The following ARHGAP44 variants were observed in gnomAD, a reference collection of about 807,000 sequenced individuals.
ARHGAP44 encodes Rho GTPase activating protein 44.
In ARHGAP44, 43 loss-of-function variants were observed where a neutral mutation model predicts 106.8. The ratio of observed to expected loss-of-function variants is 0.40; its 90% CI spans 0.32 to 0.52. The LOEUF (loss-of-function observed/expected upper bound fraction) is 0.52. Ranked by LOEUF, ARHGAP44 falls within the 20% of genes least tolerant of loss-of-function variation. The pLI is 0.48. For synonymous variants in ARHGAP44, 439 were observed against 410.3 expected (o/e 1.07, Z -0.85); for missense variants, 866 against 1,050.5 (o/e 0.82, Z 2.43).
intron 7 of ARHGAP44, among the ~76,000 whole-genome samples, chr17:12,930,241 T>C (rs540408310): frequency 5.4e-5 from 8 of 149,210 alleles, no homozygotes; most frequent in South Asian, 2.1e-4. Flanking sequence ...CTCTCTCTCT[T>C]TTTTTTTTTG....
chr17:12,790,749 A>G (rs200857935), intron 1 of ARHGAP44: 13 of 152,154 alleles, frequency 8.5e-5, no homozygotes, highest in African/African-American at 3.1e-4. Flanking sequence ...TATTAAGGTT[A>G]CATAAAAATC....
chr17:12,987,390 G>T, intron 20 of ARHGAP44: 2 of 444,262 alleles, frequency 4.5e-6, no homozygotes, highest in Non-Finnish European at 8.1e-6. Context: ...AACCCAGCCA[G>T]CCCCTTTCCC....
At chr17:12,952,455 T>G in intron 12 of ARHGAP44, 46 bp from the exon 13 acceptor site, 6 of 1,413,320 alleles carry the variant, frequency 4.2e-6, no homozygotes, top group Non-Finnish European at 5.9e-6. Context: ...CGATGAGACT[T>G]TATTGATTCG....
intron 1 of ARHGAP44, among the ~76,000 whole-genome samples, chr17:12,818,540 G>T (rs1449401418): frequency 5.9e-5 from 9 of 151,892 alleles, no homozygotes; most frequent in Non-Finnish European, 2.9e-5. Flanking sequence ...AAATAAAACT[G>T]CCACTATTTG....
At chr17:12,905,566 C>T (rs952309251) in intron 3 of ARHGAP44, among the ~76,000 whole-genome samples, 2 of 152,126 alleles carry the variant, frequency 1.3e-5, no homozygotes, top group African/African-American at 4.8e-5. Flanking sequence ...TTCATTTGGT[C>T]CCCCTTGGGC....
At chr17:12,842,427 AAAAAAAGAAAG>A (rs2035443293) in intron 1 of ARHGAP44, among the ~76,000 whole-genome samples, 1 of 140,220 alleles carries the variant, frequency 7.1e-6, no homozygotes, top group African/African-American at 3.2e-5. Flanking sequence ...AAAAAAAAAA[AAAAAAAGAAAG>A]AAAAAAGAAA....
At chr17:12,859,857 A>T (rs2036017268) in intron 1 of ARHGAP44, among the ~76,000 whole-genome samples, 1 of 152,226 alleles carries the variant, frequency 6.6e-6, no homozygotes, top group Non-Finnish European at 1.5e-5. Flanking sequence ...CCTTGATTGC[A>T]GTTAACACCG....
At chr17:12,953,991 G>A (rs1432723479) in intron 13 of ARHGAP44, among the ~76,000 whole-genome samples, 1 of 151,928 alleles carries the variant, frequency 6.6e-6, no homozygotes, top group Non-Finnish European at 1.5e-5. Context: ...GGATTCGAGT[G>A]ATTCTCCTGC....
chr17:12,894,810 C>A, intron 1 of ARHGAP44, 130 bp from the exon 2 acceptor site: 1 of 777,198 alleles, frequency 1.3e-6, no homozygotes, highest in Non-Finnish European at 2.0e-6. Context: ...TTTCTCTATT[C>A]TCTTATTAAA....
chr17:12,962,189 G>T (rs989406720), intron 16 of ARHGAP44, among the ~76,000 whole-genome samples: 1 of 152,020 alleles, frequency 6.6e-6, no homozygotes, highest in African/African-American at 2.4e-5. Context: ...GTAAGTTACC[G>T]ATTTGTGTCA....
At chr17:12,873,083 A>G (rs967496079) in intron 1 of ARHGAP44, among the ~76,000 whole-genome samples, 1 of 151,296 alleles carries the variant, frequency 6.6e-6, no homozygotes, top group Non-Finnish European at 1.5e-5. Flanking sequence ...CGTTGCTGCT[A>G]AGGGACAGCT....
intron 1 of ARHGAP44, among the ~76,000 whole-genome samples, chr17:12,844,998 C>A (rs1462549940): frequency 1.3e-5 from 2 of 152,070 alleles, no homozygotes; most frequent in Non-Finnish European, 2.9e-5. Context: ...AGATTTAGTC[C>A]CTTCATTCTA....
At chr17:12,941,306 A>G (rs906729137) in intron 8 of ARHGAP44, among the ~76,000 whole-genome samples, 182 bp downstream of exon 8, 1 of 152,078 alleles carries the variant, frequency 6.6e-6, no homozygotes, top group Admixed American at 6.6e-5. Context: ...CCTTAGAATA[A>G]AACTCAATCC....
Position 12,945,889 on chromosome 17 carries a change from C to G in ARHGAP44, c.861+1693C>G, listed in dbSNP as rs146766048. Among the ~76,000 whole-genome samples, 1,450 of 152,162 alleles carry G rather than the reference C, an allele frequency of 9.5e-3. 22 individuals carry two copies. Among genetic ancestry groups the G allele is most frequent in the African/African-American group, 0.033 (1,387 of 41,492 alleles). On this transcript the variant is annotated intron_variant, in intron 10 of 20. Coordinates refer to ENST00000379672, the MANE Select transcript of ARHGAP44 (RefSeq NM_014859.6). ...GCAACCTCTGCCTTCCAGGTTCAAG[C>G]GATTCTCCTACTTCAGCCTCCCAAG...
At position 12,940,438 on chromosome 17, in the gene ARHGAP44, A is replaced by G. The variant is rs531907114; in HGVS notation, c.583-618A>G. On this transcript the variant is annotated intron_variant, in intron 7 of 20. Transcript: ENST00000379672. ...TTTCAATGCAGCATTGGGTCACCCA[A>G]TCTCATGGACAACTGAATATAGTGA... is the stretch of plus-strand genomic sequence containing the variant. Among the ~76,000 whole-genome samples the G allele has an allele frequency of 2.6e-5, 4 of 152,322 alleles. No homozygotes were observed. The East Asian group carries it at 5.8e-4, about 22-fold the overall frequency.
intron 16 of ARHGAP44, among the ~76,000 whole-genome samples, chr17:12,961,298 T>G (rs1396068190): frequency 6.6e-6 from 1 of 152,238 alleles, no homozygotes; most frequent in Non-Finnish European, 1.5e-5. Flanking sequence ...CTCTCCTGCT[T>G]AAGAATTTTC....
Position 12,984,397 on chromosome 17 carries a change from G to A in ARHGAP44, c.1940-134G>A, listed in dbSNP as rs2039905385. ...TGGCAAGAGGCCGGGGGGCAGGGCA[G>A]GGAGGTGTGGGTGGGTGGCGAGGGG... is the stretch of plus-strand genomic sequence containing the variant. On this transcript the variant is annotated intron_variant, in intron 19 of 20. Coordinates refer to ENST00000379672, the MANE Select transcript of ARHGAP44 (RefSeq NM_014859.6). The A allele has an allele frequency of 5.4e-6, 5 of 921,540 alleles. No homozygotes were observed. The African/African-American group carries it at 6.8e-5, about 13-fold the overall frequency. The allele number at this position is 921,540 out of a possible 1,614,324, so 57.1% of individuals were successfully genotyped here.
At position 12,978,066 on chromosome 17, in the gene ARHGAP44, G is replaced by A. The variant is rs75903363; in HGVS notation, c.1764-1992G>A. 0.013 allele frequency among the ~76,000 whole-genome samples: 1,331 copies of A among 100,056 alleles called. 58 individuals carry two copies. In the East Asian group the frequency reaches 0.28, roughly 21 times the overall value. 65.6% of individuals were successfully genotyped at this position (100,056 alleles called of 152,430 possible). A position where few individuals can be genotyped will look rare whatever the true frequency, so the allele number is the denominator to read the frequency against. ...AAAAAAAAAAAAAAAAGTGTGTTTC[G>A]TGGCAGGGAACAGAAGGAAGAGCTC... On this transcript the variant is annotated intron_variant, in intron 18 of 20. Coordinates refer to ENST00000379672, the MANE Select transcript of ARHGAP44 (RefSeq NM_014859.6).
intron 1 of ARHGAP44, among the ~76,000 whole-genome samples, chr17:12,806,233 G>T (rs1460720329): frequency 6.6e-6 from 1 of 152,162 alleles, no homozygotes; most frequent in East Asian, 1.9e-4. Context: ...GAGTTTGGTT[G>T]TAGTGGGGGC....
Sources: gnomAD v4.1 joint callset for allele counts (sites outside exome capture counted in the v4.1 genomes callset) on GRCh38, gnomAD v4.1.1 for gene constraint, MANE v1.5 for transcripts, NCBI Gene and HGNC (gene_info 2026-07-23, HGNC 2026-07-21) for gene names.